Variants in GNA14 observed in about 807,000 individuals in gnomAD.
GNA14 encodes the protein G protein subunit alpha 14, also known as guanine nucleotide-binding protein subunit alpha-14.
Under a neutral mutation model 42.0 loss-of-function variants are expected in GNA14, and 50 were observed. The observed-to-expected ratio is 1.19, with a 90% CI of 0.95 to 1.51. The LOEUF is 1.51. Ranked by LOEUF, GNA14 falls within the 40% of genes most tolerant of loss-of-function variation. The probability of loss-of-function intolerance (pLI) is 0.00; values close to 1 mark genes in which losing one functional copy is unlikely to be tolerated. For missense variants in GNA14, 473 were observed against 446.2 expected, an observed-to-expected ratio of 1.06 and a Z score of -0.54; for synonymous variants, 173 against 163.1, an observed-to-expected ratio of 1.06 and a Z score of -0.46.
chr9:77,485,101 G>C (rs1411627887), intron 2 of GNA14, among the ~76,000 whole-genome samples: 2 of 152,130 alleles, frequency 1.3e-5, no homozygotes, highest in Non-Finnish European at 2.9e-5. Context: ...AAGACTTCGT[G>C]TCATGTGATG....
intron 1 of GNA14, among the ~76,000 whole-genome samples, chr9:77,551,999 G>A (rs573267329): frequency 2.0e-5 from 3 of 151,790 alleles, no homozygotes; most frequent in African/African-American, 7.3e-5. Context: ...AATTAGCCAG[G>A]TGTGGTGGTG....
At chr9:77,647,528 A>G (rs370306880) in intron 1 of GNA14, 142 bp downstream of exon 1, 7 of 931,428 alleles carry the variant, frequency 7.5e-6, no homozygotes, top group African/African-American at 5.1e-5. Flanking sequence ...AGTTGCTGGC[A>G]TCCGTGAGCT....
intron 1 of GNA14, among the ~76,000 whole-genome samples, chr9:77,595,754 G>T (rs1304182039): frequency 2.6e-5 from 4 of 152,162 alleles, no homozygotes; most frequent in African/African-American, 7.2e-5. Flanking sequence ...GGCAGGAAAT[G>T]AATTTTACCA....
chr9:77,467,691 G>A (rs1392830008), intron 2 of GNA14, among the ~76,000 whole-genome samples: 2 of 145,956 alleles, frequency 1.4e-5, no homozygotes, highest in Non-Finnish European at 3.0e-5. Flanking sequence ...GTGCAATGGA[G>A]CTCTCCATTC....
At chr9:77,605,852 T>C (rs990106987) in intron 1 of GNA14, among the ~76,000 whole-genome samples, 7 of 152,234 alleles carry the variant, frequency 4.6e-5, no homozygotes, top group Non-Finnish European at 8.8e-5. Flanking sequence ...TTGAATTCTA[T>C]GATTTCTAAA....
chr9:77,644,415 T>C (rs2118042955), intron 1 of GNA14, among the ~76,000 whole-genome samples: 1 of 115,156 alleles, frequency 8.7e-6, no homozygotes, highest in Non-Finnish European at 1.6e-5. Context: ...ACTGTATTAC[T>C]GAACTCCAAC....
At chr9:77,462,702 C>G (rs968786069) in intron 2 of GNA14, among the ~76,000 whole-genome samples, 1 of 113,430 alleles carries the variant, frequency 8.8e-6, no homozygotes, top group African/African-American at 3.7e-5. Context: ...GCCTGGGTGA[C>G]AGAGCAAGAC....
intron 1 of GNA14, among the ~76,000 whole-genome samples, chr9:77,550,376 GT>G (rs1160158226): frequency 1.3e-5 from 2 of 152,176 alleles, no homozygotes; most frequent in Non-Finnish European, 2.9e-5. Context: ...TTCACCCAGA[GT>G]TTTTAAGAAG....
intron 1 of GNA14, among the ~76,000 whole-genome samples, chr9:77,618,595 TA>T (rs1823860837): frequency 2.3e-4 from 3 of 13,008 alleles, no homozygotes; most frequent in South Asian, 3.7e-3. Flanking sequence ...TATATATATA[TA>T]TATATATATA....
chr9:77,423,284 C>G lies in GNA14; in HGVS notation c.*695G>C, dbSNP rs1334846770. The G allele has an allele frequency of 6.6e-6, 1 of 152,122 alleles. No individual in the cohort carries two copies. Among genetic ancestry groups the G allele is most frequent in the Non-Finnish European group, 1.5e-5 (1 of 68,026 alleles). The allele number at this position is 152,122 out of a possible 1,614,324, so 9.4% of individuals were successfully genotyped here. Reference sequence around the variant, plus strand: ...GTACACACACACACACGTGCACACACACACATTTTTCACCAATAAAACATA... The same window carrying G: ...GTACACACACACACACGTGCACACAGACACATTTTTCACCAATAAAACATA... On this transcript the variant is annotated 3_prime_UTR_variant, in exon 7 of 7. Coordinates refer to ENST00000341700, the MANE Select transcript of GNA14 (RefSeq NM_004297.4).
intron 2 of GNA14, among the ~76,000 whole-genome samples, chr9:77,524,817 C>T (rs115360905): frequency 2.2e-3 from 337 of 152,144 alleles, no homozygotes; most frequent in African/African-American, 7.6e-3. Context: ...GAGCTTATTT[C>T]TGATTTTTGA....
At chr9:77,568,819 C>G (rs1587833085) in intron 1 of GNA14, among the ~76,000 whole-genome samples, 1 of 152,152 alleles carries the variant, frequency 6.6e-6, no homozygotes, top group East Asian at 1.9e-4. Context: ...GATGGGGCTG[C>G]CTTCAGCAAA....
At chr9:77,538,909 T>C (rs1395881154) in intron 1 of GNA14, among the ~76,000 whole-genome samples, 3 of 152,164 alleles carry the variant, frequency 2.0e-5, no homozygotes, top group Admixed American at 6.5e-5. Context: ...AAAATGTGTC[T>C]CCTTCAGGCA....
At chr9:77,545,266 G>A (rs1407542050) in intron 1 of GNA14, among the ~76,000 whole-genome samples, 1 of 144,044 alleles carries the variant, frequency 6.9e-6, no homozygotes, top group African/African-American at 2.9e-5. Flanking sequence ...TTAAATAAGA[G>A]GAGCTACCAG....
At chr9:77,525,909 T>TTAAA (rs1491441006) in intron 2 of GNA14, among the ~76,000 whole-genome samples, 1 of 141,456 alleles carries the variant, frequency 7.1e-6, no homozygotes, top group Non-Finnish European at 1.5e-5. Flanking sequence ...GGACTTTTTT[T>TTAAA]AAAAAAAAAA....
intron 2 of GNA14, among the ~76,000 whole-genome samples, chr9:77,464,292 T>C (rs1448361524): frequency 6.6e-6 from 1 of 151,972 alleles, no homozygotes; most frequent in East Asian, 1.9e-4. Flanking sequence ...TGAGCCACCA[T>C]GCCCGGCCAT....
chr9:77,511,699 C>T (rs1325096946), intron 2 of GNA14, among the ~76,000 whole-genome samples: 1 of 152,142 alleles, frequency 6.6e-6, no homozygotes, highest in African/African-American at 2.4e-5. Flanking sequence ...TCTGGCCCCA[C>T]TCTCTCCTCC....
rs1309951429 is a variant in GNA14 at position 77,423,998 on chromosome 9, C to G, written c.1049G>C (p.Arg350Thr). The G allele has an allele frequency of 2.5e-6, 4 of 1,602,312 alleles. No homozygotes were observed. The highest frequency in any genetic ancestry group is 3.4e-6 in the Non-Finnish European group (4 of 1,173,518). Residue 350 changes from arginine (R) to threonine (T), a missense_variant, in exon 7 of 7, where the codon AGG becomes ACG. Physicochemically the swap from Arg to Thr is moderately conservative, Grantham distance 71. Transcript: ENST00000341700. ...CAGCTTTTAGACAAGGTTGAATTCC[C>G]TTAGGTTTAGCTGTAGAATTGTGTC... ...VKDTILQLNLREFNLV is the reference protein window; with the variant it reads ...VKDTILQLNLTEFNLV
At chr9:77,474,716 T>C (rs1836389378) in intron 2 of GNA14, among the ~76,000 whole-genome samples, 1 of 152,224 alleles carries the variant, frequency 6.6e-6, no homozygotes, top group Non-Finnish European at 1.5e-5. Context: ...TGCAGCATTA[T>C]TCATAATAGC....
Sources: gnomAD v4.1 joint callset for allele counts (sites outside exome capture counted in the v4.1 genomes callset) on GRCh38, gnomAD v4.1.1 for gene constraint, MANE v1.5 for transcripts, NCBI Gene and HGNC (gene_info 2026-07-23, HGNC 2026-07-21) for gene names.